Variants in XIRP2 observed in about 807,000 individuals in gnomAD.
XIRP2 encodes the protein xin actin binding repeat containing 2.
A neutral mutation model predicts 277.0 loss-of-function variants in XIRP2; 236 were observed. The observed-to-expected ratio is 0.85, with a 90% CI of 0.77 to 0.95. The LOEUF (loss-of-function observed/expected upper bound fraction) is 0.95. Among genes scored for constraint, XIRP2 ranks in the 40% least tolerant of loss-of-function variants. The probability of loss-of-function intolerance (pLI) is 0.00; values close to 1 mark genes in which losing one functional copy is unlikely to be tolerated. For missense variants in XIRP2, 4,640 were observed against 4,157.5 expected (o/e 1.12, Z -3.19); for synonymous variants, 1,490 against 1,416.5 (o/e 1.05, Z -1.17).
At chr2:166,997,131 G>T (rs1306986630) in intron 2 of XIRP2, among the ~76,000 whole-genome samples, 1 of 152,074 alleles carries the variant, frequency 6.6e-6, no homozygotes, top group Non-Finnish European at 1.5e-5. Context: ...CTTCATTTTG[G>T]TACAGAACAC....
rs551899157 is a variant in XIRP2, at chr2:167,083,704, C to T, written c.409-52205C>T. Among the ~76,000 whole-genome samples, 12 of 152,272 alleles carry T rather than the reference C, an allele frequency of 7.9e-5. No individual in the cohort carries two copies. In the East Asian group the frequency reaches 2.3e-3, roughly 29 times the overall value. ...CCTAGGTATTTTATTCTCTTTGAAG[C>T]AATTGTGAATGGCAGTTCACTCATG... On this transcript the variant is annotated intron_variant, in intron 2 of 10. Coordinates refer to ENST00000409195, the MANE Select transcript of XIRP2 (RefSeq NM_152381.6).
At chr2:166,961,200 T>C (rs758862461) in intron 2 of XIRP2, among the ~76,000 whole-genome samples, 6 of 151,676 alleles carry the variant, frequency 4.0e-5, no homozygotes, top group South Asian at 4.1e-4. Flanking sequence ...TGAATCGTTT[T>C]GTATTGTCTT....
In XIRP2 at chr2:167,250,202, A is replaced by G. The variant is rs746810250; in HGVS notation, c.8810A>G (p.Asp2937Gly). The G allele has an allele frequency of 6.2e-7, 1 of 1,613,586 alleles. No homozygotes were observed. The change falls in exon 9 of 11, where the codon GAT becomes GGT. Residue 2937 changes from aspartate (D) to glycine (G), a missense_variant. Coordinates refer to ENST00000409195, the MANE Select transcript of XIRP2 (RefSeq NM_152381.6). The stretch of plus-strand genomic sequence containing the variant: ...TCTGTGAAAGAATCCCAGCGGGATG[A>G]TGGAAAAGGTGCCTTAAATATAGTG... The part of the protein sequence containing the change: ...FSSVKESQRD[D>G]GKGALNIVEF...
chr2:167,187,631 A>T, intron 3 of XIRP2: 1 of 808,046 alleles, frequency 1.2e-6, no homozygotes, highest in Non-Finnish European at 1.5e-6. Flanking sequence ...TCAAATTGTA[A>T]TCATTGTAAA....
chr2:167,224,684 T>C (rs150432089), intron 5 of XIRP2, among the ~76,000 whole-genome samples: 30 of 152,348 alleles, frequency 2.0e-4, no homozygotes, highest in African/African-American at 6.5e-4. Context: ...GCCTAGCATA[T>C]ATTAATTGAT....
At position 167,210,911 on chromosome 2, in the gene XIRP2, T is replaced by C; in HGVS notation, c.723+16T>C. 6.2e-7 allele frequency: 1 copy of C among 1,613,650 alleles called. No individual in the cohort carries two copies. Among genetic ancestry groups the C allele is most frequent in the Non-Finnish European group, 8.5e-7 (1 of 1,179,808 alleles). On this transcript the variant is annotated intron_variant, in intron 4 of 10. Coordinates refer to ENST00000409195, the MANE Select transcript of XIRP2 (RefSeq NM_152381.6). ...CTCTGCTAATGTAAGCTGCTCCTAA[T>C]GGTTTTGCACTAGGCAATGTGCTTA...
intron 2 of XIRP2, among the ~76,000 whole-genome samples, chr2:166,984,951 C>G (rs890875119): frequency 2.0e-5 from 3 of 152,120 alleles, no homozygotes; most frequent in Non-Finnish European, 4.4e-5. Context: ...TTACCTTTAC[C>G]CACAAACCAA....
chr2:167,160,593 C>G (rs1049286283), intron 3 of XIRP2, among the ~76,000 whole-genome samples: 1 of 152,148 alleles, frequency 6.6e-6, no homozygotes, highest in African/African-American at 2.4e-5. Context: ...TTAAAACCAT[C>G]AGATCTCGTG....
chr2:167,184,924 T>C (rs914430065), intron 3 of XIRP2, among the ~76,000 whole-genome samples: 1 of 152,194 alleles, frequency 6.6e-6, no homozygotes, highest in African/African-American at 2.4e-5. Flanking sequence ...AGTTTTGTGA[T>C]ACAAGGGATC....
chr2:167,078,485 G>A (rs1216442180), intron 2 of XIRP2, among the ~76,000 whole-genome samples: 3 of 152,044 alleles, frequency 2.0e-5, no homozygotes, highest in Admixed American at 6.6e-5. Context: ...TGCTTGCTCT[G>A]GATGGGACTT....
At chr2:166,946,401 A>G (rs938029125) in intron 2 of XIRP2, among the ~76,000 whole-genome samples, 7 of 152,152 alleles carry the variant, frequency 4.6e-5, no homozygotes, top group Admixed American at 3.9e-4. Context: ...GACAAGGAGA[A>G]TCTACTTTTC....
chr2:167,259,526 G>T lies in XIRP2; in HGVS notation c.*1709G>T. The T allele has an allele frequency of 1.6e-6, 1 of 624,548 alleles. No individual in the cohort carries two copies. The highest frequency in any genetic ancestry group is 2.5e-6 in the Non-Finnish European group (1 of 393,378). The allele number at this position is 624,548 out of a possible 1,614,324, so 38.7% of individuals were successfully genotyped here. A position where few individuals can be genotyped will look rare whatever the true frequency, so the allele number is the denominator to read the frequency against. Reference sequence around the variant, plus strand: ...TGGGATATTTCTTGTATTACACCTTGTCATTTTTTTCACAATTTATTTACA... The same window carrying T: ...TGGGATATTTCTTGTATTACACCTTTTCATTTTTTTCACAATTTATTTACA... On this transcript the variant is annotated 3_prime_UTR_variant, in exon 11 of 11. Transcript: ENST00000409195.
At chr2:167,201,223 A>AGG (rs1491162481) in intron 3 of XIRP2, among the ~76,000 whole-genome samples, 9 of 138,810 alleles carry the variant, frequency 6.5e-5, no homozygotes, top group South Asian at 2.6e-4. Context: ...AGAAAGAAAG[A>AGG]AAGAAAGAAA....
At chr2:167,081,889 C>A (rs2105262749) in intron 2 of XIRP2, among the ~76,000 whole-genome samples, 1 of 151,900 alleles carries the variant, frequency 6.6e-6, no homozygotes, top group East Asian at 1.9e-4. Context: ...CATGAGAAAG[C>A]ATAGAAGGCT....
chr2:167,004,857 G>C (rs1687465915), intron 2 of XIRP2, among the ~76,000 whole-genome samples: 1 of 151,404 alleles, frequency 6.6e-6, no homozygotes, highest in East Asian at 1.9e-4. Context: ...AGTGTAGATA[G>C]ATTCTCACAG....
At chr2:167,215,610 G>A (rs1470474386) in intron 4 of XIRP2, among the ~76,000 whole-genome samples, 2 of 152,146 alleles carry the variant, frequency 1.3e-5, no homozygotes, top group African/African-American at 4.8e-5. Flanking sequence ...CAGCTCCTGG[G>A]TCCCCAGTTA....
At chr2:166,904,081 T>C (rs1684457352) in intron 2 of XIRP2, among the ~76,000 whole-genome samples, 191 bp downstream of exon 2, 1 of 152,154 alleles carries the variant, frequency 6.6e-6, no homozygotes, top group South Asian at 2.1e-4. Flanking sequence ...CAATGTGGAC[T>C]TGACTTCCTT....
At chr2:167,099,715 A>G (rs1044403396) in intron 2 of XIRP2, among the ~76,000 whole-genome samples, 4 of 152,112 alleles carry the variant, frequency 2.6e-5, no homozygotes, top group Non-Finnish European at 5.9e-5. Flanking sequence ...GGATAGCACC[A>G]TCCCTCACGG....
intron 2 of XIRP2, among the ~76,000 whole-genome samples, chr2:167,091,843 G>T (rs1690157093): frequency 6.6e-6 from 1 of 152,086 alleles, no homozygotes. Context: ...TTTGAAGATG[G>T]TTCTCCTTCC....
Sources: allele counts gnomAD v4.1 joint callset (sites outside exome capture counted in the v4.1 genomes callset), GRCh38; gene constraint gnomAD v4.1.1; transcripts MANE v1.5; gene names NCBI Gene and HGNC (gene_info 2026-07-23, HGNC 2026-07-21).